The following TTC39C variants were observed in gnomAD, a reference collection of about 807,000 sequenced individuals.
The protein encoded by TTC39C is tetratricopeptide repeat domain 39C, also known as tetratricopeptide repeat protein 39C.
In TTC39C, 33 loss-of-function variants were observed where a neutral mutation model predicts 76.3. The ratio of observed to expected loss-of-function variants is 0.43; its 90% confidence interval spans 0.33 to 0.58. TTC39C has a LOEUF of 0.58. Among genes scored for constraint, TTC39C ranks in the 20% least tolerant of loss-of-function variants. TTC39C has a pLI of 0.04. For missense variants in TTC39C, 595 were observed against 701.4 expected, an observed-to-expected ratio of 0.85 and a Z score of 1.71; for synonymous variants, 254 against 260.6, an observed-to-expected ratio of 0.97 and a Z score of 0.24.
In TTC39C at chr18:24,082,970, T is replaced by A. The variant is rs2084395623; in HGVS notation, c.873T>A (p.Ser291Arg). 1 of 1,614,000 alleles carries A rather than the reference T, an allele frequency of 6.2e-7. No individual in the cohort carries two copies. Among genetic ancestry groups the A allele is most frequent in the Admixed American group, 1.7e-5 (1 of 60,004 alleles). The part of the protein sequence containing the change: ...VVRPFFALDG[S>R]DNKAGLDEAK... ...GCCCGTTTTTTGCCTTGGATGGCAG[T>A]GATAACAAGGCAGGCCTGGATGAAG... The change falls in exon 6 of 14, where the codon AGT becomes AGA. Residue 291 changes from serine (S) to arginine (R), a missense_variant. Ser to Arg is a moderately radical substitution (Grantham distance 110). Transcript: ENST00000317571.
chr18:24,037,539 G>A (rs1320117344), intron 1 of TTC39C, among the ~76,000 whole-genome samples: 2 of 152,158 alleles, frequency 1.3e-5, no homozygotes, highest in African/African-American at 4.8e-5. Flanking sequence ...TTTGTCTGGC[G>A]TATTGGAGAG....
At chr18:24,111,923 A>T (rs76894161) in intron 6 of TTC39C, among the ~76,000 whole-genome samples, 137,283 of 150,322 alleles carry the variant, frequency 0.91, 63,312 homozygotes, top group Non-Finnish European at 0.98. Flanking sequence ...ATATATATAT[A>T]TTTTTTTTGG....
chr18:24,005,264 G>A (rs755561466), intron 1 of TTC39C, among the ~76,000 whole-genome samples: 1 of 152,148 alleles, frequency 6.6e-6, no homozygotes, highest in Non-Finnish European at 1.5e-5. Context: ...ACCTTACAGA[G>A]TTACTTTGAG....
At chr18:24,040,328 C>T (rs1297369151) in intron 1 of TTC39C, among the ~76,000 whole-genome samples, 2 of 152,158 alleles carry the variant, frequency 1.3e-5, no homozygotes, top group Admixed American at 1.3e-4. Context: ...GTATTGGGGT[C>T]ACTGAAGTGG....
chr18:24,116,371 C>T (rs143543171), intron 7 of TTC39C, among the ~76,000 whole-genome samples: 1,843 of 152,236 alleles, frequency 0.012, 38 homozygotes, highest in African/African-American at 0.041. Context: ...GGTGAAACCC[C>T]GTCTTTACCA....
chr18:24,113,392 C>T (rs1219558185), intron 6 of TTC39C: 9 of 586,596 alleles, frequency 1.5e-5, no homozygotes, highest in Admixed American at 3.0e-5. Context: ...GTGGGGGACC[C>T]GTCCTCTGAG....
upstream of TTC39C, among the ~76,000 whole-genome samples, chr18:24,010,724 G>A (rs1358608505): frequency 6.6e-6 from 1 of 152,210 alleles, no homozygotes; most frequent in Non-Finnish European, 1.5e-5. Flanking sequence ...AGGTTTTCTT[G>A]TGGTACTTTA....
intron 4 of TTC39C, among the ~76,000 whole-genome samples, chr18:24,075,175 G>A (rs1172761514): frequency 6.6e-6 from 1 of 152,008 alleles, no homozygotes; most frequent in African/African-American, 2.4e-5. Flanking sequence ...GGGGAGGGTT[G>A]GCATTAAGAG....
chr18:24,014,676 C>A, upstream of TTC39C: 1 of 839,730 alleles, frequency 1.2e-6, no homozygotes, highest in Non-Finnish European at 1.5e-6. Context: ...CCACCTCCCA[C>A]GCCGCGCCGC....
In TTC39C at chr18:24,134,968, G is replaced by C. The variant is rs959909413; in HGVS notation, c.*2394G>C. 2.0e-5 allele frequency: 3 copies of C among 152,066 alleles called. No homozygotes were observed. The highest frequency in any genetic ancestry group is 2.1e-4 in the South Asian group (1 of 4,818). The allele number at this position is 152,066 out of a possible 1,614,324, so 9.4% of individuals were successfully genotyped here. A position where few individuals can be genotyped will look rare whatever the true frequency, so the allele number is the denominator to read the frequency against. ...ACCATCCTGTAGGTTTTCTTTACTA[G>C]TCAAAGTGTAGGTCTTTTTAAAATT... On this transcript the variant is annotated 3_prime_UTR_variant, in exon 14 of 14. Coordinates refer to ENST00000317571, the MANE Select transcript of TTC39C (RefSeq NM_001135993.2).
chr18:23,999,597 C>G (rs62087926), intron 1 of TTC39C, among the ~76,000 whole-genome samples: 306 of 99,458 alleles, frequency 3.1e-3, no homozygotes, highest in Non-Finnish European at 6.8e-3. Context: ...GTGCTGGGAA[C>G]AGCCGGTGCC....
intron 1 of TTC39C, among the ~76,000 whole-genome samples, chr18:24,047,441 G>A (rs1442691464): frequency 6.6e-6 from 1 of 152,012 alleles, no homozygotes; most frequent in Non-Finnish European, 1.5e-5. Context: ...AAACTGTGGG[G>A]GTTTTATGGT....
intron 1 of TTC39C, among the ~76,000 whole-genome samples, chr18:24,059,216 T>C (rs1191061252): frequency 6.6e-6 from 1 of 152,222 alleles, no homozygotes. Context: ...TGTTTAATTT[T>C]TTAAAAAACT....
intron 1 of TTC39C, chr18:24,020,077 G>C: frequency 2.2e-6 from 3 of 1,347,080 alleles, no homozygotes; most frequent in Non-Finnish European, 2.8e-6. Context: ...TCCTGGAGAC[G>C]ATAGGAGAGT....
chr18:24,012,813 G>T (rs1388529178), upstream of TTC39C: 2 of 150,876 alleles, frequency 1.3e-5, no homozygotes, highest in East Asian at 3.9e-4. Context: ...GAGCAGTACA[G>T]TCCCTAAGAC....
chr18:24,082,012 G>GTT (rs2084380973), intron 5 of TTC39C, among the ~76,000 whole-genome samples: 1 of 141,352 alleles, frequency 7.1e-6, no homozygotes, highest in East Asian at 2.0e-4. Flanking sequence ...TTGTCTGGCT[G>GTT]TTGTTTTTTT....
At chr18:24,131,823 A>G in intron 12 of TTC39C, 59 bp from the exon 13 acceptor site, 7 of 1,484,268 alleles carry the variant, frequency 4.7e-6, no homozygotes, top group Non-Finnish European at 6.5e-6. Context: ...CTATTATACC[A>G]TTTTCTGCCT....
chr18:24,040,883 T>TGG (rs200500515), intron 1 of TTC39C, among the ~76,000 whole-genome samples: 1 of 152,094 alleles, frequency 6.6e-6, no homozygotes, highest in Admixed American at 6.6e-5. Flanking sequence ...ACTGTATTTT[T>TGG]GGGGGGGCTA....
At chr18:24,097,689 G>A (rs923211368) in intron 6 of TTC39C, among the ~76,000 whole-genome samples, 7 of 152,166 alleles carry the variant, frequency 4.6e-5, no homozygotes, top group Non-Finnish European at 1.0e-4. Flanking sequence ...TTGGCCCTTC[G>A]TAAACTTATA....
Sources: allele counts gnomAD v4.1 joint callset (sites outside exome capture counted in the v4.1 genomes callset), GRCh38; gene constraint gnomAD v4.1.1; transcripts MANE v1.5; gene names NCBI Gene and HGNC (gene_info 2026-07-23, HGNC 2026-07-21).